The following DLG2 variants were observed in gnomAD, a reference collection of about 807,000 sequenced individuals.
DLG2 encodes the protein discs large MAGUK scaffold protein 2.
A neutral mutation model predicts 132.5 loss-of-function variants in DLG2; 45 were observed. The observed-to-expected ratio is 0.34, with a 90% CI of 0.27 to 0.44. The LOEUF is 0.44. DLG2 is among the 20% of genes least tolerant of loss of function. DLG2 has a pLI of 1.00. For synonymous variants in DLG2, 424 were observed against 419.6 expected (o/e 1.01, Z -0.13); for missense variants, 1,045 against 1,196.9 (o/e 0.87, Z 1.87).
chr11:83,755,153 T>C (rs1489494935), intron 18 of DLG2, among the ~76,000 whole-genome samples: 2 of 151,412 alleles, frequency 1.3e-5, no homozygotes, highest in Non-Finnish European at 2.9e-5. Flanking sequence ...TAATATTTTT[T>C]AAATGTAGGT....
chr11:85,531,958 G>A (rs1210299382), intron 3 of DLG2, among the ~76,000 whole-genome samples: 1 of 152,108 alleles, frequency 6.6e-6, no homozygotes. Flanking sequence ...GGAATTTTGA[G>A]AGACCCAGGA....
intron 17 of DLG2, among the ~76,000 whole-genome samples, chr11:83,809,129 C>T (rs2153958609): frequency 6.6e-6 from 1 of 152,264 alleles, no homozygotes; most frequent in Non-Finnish European, 1.5e-5. Context: ...CTGTTTACCA[C>T]CTAATTTCTG....
intron 3 of DLG2, among the ~76,000 whole-genome samples, chr11:85,472,316 TTTTTGA>T (rs2093009983): frequency 6.6e-6 from 1 of 152,156 alleles, no homozygotes; most frequent in Non-Finnish European, 1.5e-5. Flanking sequence ...TTTGTTTTTG[TTTTTGA>T]GACAGAGTCT....
At chr11:84,035,012 T>C (rs1018642313) in intron 11 of DLG2, among the ~76,000 whole-genome samples, 2 of 152,120 alleles carry the variant, frequency 1.3e-5, no homozygotes, top group African/African-American at 4.8e-5. Context: ...CAAATGGAGC[T>C]TCCCTGTAGA....
chr11:85,216,810 C>T (rs1404694739), intron 4 of DLG2, among the ~76,000 whole-genome samples: 2 of 152,028 alleles, frequency 1.3e-5, no homozygotes, highest in African/African-American at 4.8e-5. Context: ...AATTCTCTGC[C>T]TCAGCCTCCC....
intron 6 of DLG2, among the ~76,000 whole-genome samples, chr11:84,758,309 G>C (rs1056119652): frequency 1.3e-5 from 2 of 152,204 alleles, no homozygotes; most frequent in Non-Finnish European, 2.9e-5. Flanking sequence ...GGCAGCTGTA[G>C]AGCTGTTAGA....
At chr11:84,974,458 C>G (rs1334796887) in intron 6 of DLG2, among the ~76,000 whole-genome samples, 1 of 152,082 alleles carries the variant, frequency 6.6e-6, no homozygotes, top group Admixed American at 6.5e-5. Flanking sequence ...ATAGAGCCTA[C>G]CACTGGGTTG....
At chr11:83,861,300 C>G (rs1395913067) in intron 16 of DLG2, among the ~76,000 whole-genome samples, 1 of 152,134 alleles carries the variant, frequency 6.6e-6, no homozygotes, top group Non-Finnish European at 1.5e-5. Context: ...TTAGTACAAT[C>G]ACTATGGAGA....
At chr11:83,758,517 A>G (rs1178578807) in intron 18 of DLG2, among the ~76,000 whole-genome samples, 1 of 152,188 alleles carries the variant, frequency 6.6e-6, no homozygotes, top group African/African-American at 2.4e-5. Context: ...ATGAAGTTAT[A>G]TATATGAGTT....
chr11:84,016,718 T>C (rs774898567), intron 11 of DLG2, among the ~76,000 whole-genome samples: 88 of 152,104 alleles, frequency 5.8e-4, no homozygotes, highest in Non-Finnish European at 1.1e-3. Flanking sequence ...CTTTTCTAGA[T>C]TGCCACATCA....
At chr11:84,770,860 G>T (rs1005040156) in intron 6 of DLG2, among the ~76,000 whole-genome samples, 3 of 151,544 alleles carry the variant, frequency 2.0e-5, no homozygotes, top group Non-Finnish European at 4.4e-5. Flanking sequence ...TGTTAGCCAG[G>T]GTGGTCTCAA....
At chr11:83,698,405 T>C (rs2082291738) in intron 18 of DLG2, among the ~76,000 whole-genome samples, 1 of 152,220 alleles carries the variant, frequency 6.6e-6, no homozygotes, top group Admixed American at 6.5e-5. Context: ...TCTTTTCTCA[T>C]AGTAAAATTA....
chr11:83,487,439 A>G (rs2093589985), intron 21 of DLG2, among the ~76,000 whole-genome samples: 1 of 152,070 alleles, frequency 6.6e-6, no homozygotes, highest in Admixed American at 6.6e-5. Flanking sequence ...CCCATATTAC[A>G]GAAGAGGAAT....
At chr11:85,143,133 G>C (rs779094406) in intron 5 of DLG2, among the ~76,000 whole-genome samples, 2 of 151,578 alleles carry the variant, frequency 1.3e-5, no homozygotes, top group African/African-American at 4.8e-5. Context: ...ATTGGTATTA[G>C]TTCTTTAAAT....
intron 21 of DLG2, among the ~76,000 whole-genome samples, chr11:83,507,557 C>A (rs1421518817): frequency 7.1e-6 from 1 of 140,566 alleles, no homozygotes; most frequent in African/African-American, 2.6e-5. Context: ...GATATATATC[C>A]TAAGTATATA....
chr11:85,202,350 A>G (rs965390688), intron 4 of DLG2, among the ~76,000 whole-genome samples: 2 of 152,186 alleles, frequency 1.3e-5, no homozygotes, highest in Non-Finnish European at 2.9e-5. Context: ...ATTCAAATAT[A>G]TAAAATAGCC....
At chr11:83,725,706 T>C (rs2089868071) in intron 18 of DLG2, among the ~76,000 whole-genome samples, 2 of 152,232 alleles carry the variant, frequency 1.3e-5, no homozygotes, top group African/African-American at 4.8e-5. Context: ...CCAGGACGAT[T>C]TAGATTCCTT....
chr11:83,596,133 T>A (rs549321028), intron 19 of DLG2, among the ~76,000 whole-genome samples: 2 of 152,308 alleles, frequency 1.3e-5, no homozygotes, highest in East Asian at 3.9e-4. Context: ...CAACAAGATT[T>A]AAGATTAAGA....
chr11:83,766,644 G>C (rs1408268111), intron 18 of DLG2, among the ~76,000 whole-genome samples: 3 of 151,956 alleles, frequency 2.0e-5, no homozygotes, highest in Non-Finnish European at 2.9e-5. Context: ...ATGCTTCTGA[G>C]TCATTATTAG....
Sources: gnomAD v4.1 joint callset for allele counts (sites outside exome capture counted in the v4.1 genomes callset) on GRCh38, gnomAD v4.1.1 for gene constraint, MANE v1.5 for transcripts, NCBI Gene and HGNC (gene_info 2026-07-23, HGNC 2026-07-21) for gene names.